The following ESRRG variants were observed in gnomAD, a reference collection of about 807,000 sequenced individuals.
The protein encoded by ESRRG is estrogen-related receptor gamma.
Under a neutral mutation model 44.0 loss-of-function variants are expected in ESRRG, and 13 were observed. The ratio of observed to expected loss-of-function variants is 0.30; its 90% CI spans 0.19 to 0.47. The LOEUF (loss-of-function observed/expected upper bound fraction) is 0.47. ESRRG is among the 20% of genes least tolerant of loss of function. The pLI, the probability that ESRRG is intolerant of heterozygous loss-of-function variation, is 1.00. For missense variants in ESRRG, 395 were observed against 580.6 expected (o/e 0.68, Z 3.29); for synonymous variants, 215 against 214.6 (o/e 1.00, Z -0.02).
intron 1 of ESRRG, among the ~76,000 whole-genome samples, chr1:217,099,786 C>T (rs1044892709): frequency 6.6e-5 from 10 of 152,232 alleles, no homozygotes; most frequent in African/African-American, 2.4e-4. Flanking sequence ...GCTTTGCATC[C>T]AGGTGGAGCT....
At chr1:216,715,042 G>A in intron 1 of ESRRG, 1 of 981,730 alleles carries the variant, frequency 1.0e-6, no homozygotes, top group African/African-American at 1.7e-5. Context: ...ATGACTACGA[G>A]AGAACAGAAA....
At chr1:217,046,656 G>A (rs927912096) in intron 1 of ESRRG, among the ~76,000 whole-genome samples, 2 of 152,180 alleles carry the variant, frequency 1.3e-5, no homozygotes, top group African/African-American at 2.4e-5. Context: ...GGCCAGTGCA[G>A]GAGGATCTCT....
chr1:216,573,178 A>C (rs1439703151), intron 3 of ESRRG, among the ~76,000 whole-genome samples: 3 of 151,978 alleles, frequency 2.0e-5, no homozygotes, highest in African/African-American at 7.2e-5. Context: ...GATTTTGTGA[A>C]GATTAAAGTT....
chr1:216,801,934 T>C (rs11572599), intron 2 of ESRRG, among the ~76,000 whole-genome samples: 2,809 of 152,278 alleles, frequency 0.018, 107 homozygotes, highest in African/African-American at 0.064. Context: ...AAAAATACTC[T>C]GCAGATGGAA....
intron 5 of ESRRG, among the ~76,000 whole-genome samples, chr1:216,542,585 T>C (rs1044843974): frequency 5.3e-5 from 8 of 152,026 alleles, no homozygotes; most frequent in African/African-American, 1.9e-4. Flanking sequence ...TTTGTAGCAT[T>C]TGTTACACAT....
At chr1:217,061,273 A>C (rs889889786) in intron 1 of ESRRG, among the ~76,000 whole-genome samples, 13 of 152,162 alleles carry the variant, frequency 8.5e-5, no homozygotes, top group Admixed American at 8.5e-4. Flanking sequence ...TTACCTTCCC[A>C]ATTCCTTTAG....
chr1:216,878,240 T>C (rs1435425511), intron 2 of ESRRG, among the ~76,000 whole-genome samples: 1 of 152,224 alleles, frequency 6.6e-6, no homozygotes, highest in East Asian at 1.9e-4. Context: ...TGCCTGATCA[T>C]ATACTTTGCC....
chr1:217,121,607 G>A (rs1470447228), intron 1 of ESRRG, among the ~76,000 whole-genome samples: 1 of 152,072 alleles, frequency 6.6e-6, no homozygotes, highest in Non-Finnish European at 1.5e-5. Context: ...AGATAGAAAG[G>A]AAGGAAAAAG....
chr1:216,677,465 T>C lies in ESRRG; in HGVS notation c.83A>G (p.Asp28Gly), dbSNP rs1360236618. The C allele has an allele frequency of 1.2e-6, 2 of 1,611,864 alleles. No individual in the cohort carries two copies. Among genetic ancestry groups the C allele is most frequent in the Non-Finnish European group, 1.7e-6 (2 of 1,178,580 alleles). ...EELLCRMSNK[D>G]RHIDSSCSSF... ...CGAACAGCTGGAATCAATGTGTCGATCTTTGTTTGACATTCTGCAGAGAAG... is the reference window on the plus strand; with the variant it reads ...CGAACAGCTGGAATCAATGTGTCGACCTTTGTTTGACATTCTGCAGAGAAG... The change falls in exon 2 of 7, where the codon GAT becomes GGT. Residue 28 changes from aspartate to glycine, a missense_variant. Around this residue, in one of 5 missense-constraint regions of ESRRG, gnomAD observed 148 missense variants for 150.4 expected, o/e 0.98. Coordinates refer to ENST00000408911, the MANE Select transcript of ESRRG (RefSeq NM_001438.4).
chr1:216,641,689 ACAC>A (rs1302968832), intron 3 of ESRRG, among the ~76,000 whole-genome samples: 1 of 152,248 alleles, frequency 6.6e-6, no homozygotes, highest in Non-Finnish European at 1.5e-5. Context: ...ACTGACAAAA[ACAC>A]AGACCCCTAA....
intron 2 of ESRRG, among the ~76,000 whole-genome samples, chr1:216,817,755 C>T (rs185743584): frequency 4.6e-5 from 7 of 152,210 alleles, no homozygotes; most frequent in African/African-American, 1.4e-4. Flanking sequence ...TGCAACAGCA[C>T]GCAAATCATA....
intron 1 of ESRRG, among the ~76,000 whole-genome samples, chr1:217,118,626 G>C (rs957921097): frequency 1.3e-5 from 2 of 152,100 alleles, no homozygotes; most frequent in African/African-American, 4.8e-5. Flanking sequence ...ATACAAAGGG[G>C]AAAAATACAT....
chr1:217,031,833 G>T (rs2082109002), intron 1 of ESRRG, among the ~76,000 whole-genome samples: 1 of 152,206 alleles, frequency 6.6e-6, no homozygotes, highest in Non-Finnish European at 1.5e-5. Flanking sequence ...TGTGAAGAAG[G>T]ATGTGTTTGT....
At chr1:217,079,676 A>G (rs1375671743) in intron 1 of ESRRG, among the ~76,000 whole-genome samples, 1 of 152,122 alleles carries the variant, frequency 6.6e-6, no homozygotes, top group Non-Finnish European at 1.5e-5. Context: ...CACTATAACT[A>G]CCATACACAA....
At chr1:216,562,118 T>C (rs1247590132) in intron 5 of ESRRG, among the ~76,000 whole-genome samples, 2 of 152,200 alleles carry the variant, frequency 1.3e-5, no homozygotes, top group African/African-American at 2.4e-5. Context: ...TGTTGACTTT[T>C]ATTGGTTTTT....
At chr1:217,066,255 C>CTTTTTTTTTT (rs68151743) in intron 1 of ESRRG, among the ~76,000 whole-genome samples, 1 of 132,500 alleles carries the variant, frequency 7.5e-6, no homozygotes, top group Non-Finnish European at 1.6e-5. Flanking sequence ...TTTTTCTTTT[C>CTTTTTTTTTT]TTTTTTTTTT....
intron 1 of ESRRG, among the ~76,000 whole-genome samples, chr1:217,011,058 A>C (rs2078515064): frequency 6.6e-6 from 1 of 152,170 alleles, no homozygotes; most frequent in African/African-American, 2.4e-5. Context: ...TGACGATACC[A>C]AGGTTACCAC....
At chr1:216,536,141 A>G (rs1319786437) in intron 5 of ESRRG, among the ~76,000 whole-genome samples, 1 of 152,068 alleles carries the variant, frequency 6.6e-6, no homozygotes, top group Non-Finnish European at 1.5e-5. Flanking sequence ...GTAATACTTT[A>G]AATAATTCTG....
intron 2 of ESRRG, among the ~76,000 whole-genome samples, chr1:216,664,768 T>C (rs1399429606): frequency 2.0e-5 from 3 of 151,304 alleles, no homozygotes; most frequent in Non-Finnish European, 4.4e-5. Context: ...GCTCTGTTGA[T>C]GGTAATATAA....
Sources: allele counts gnomAD v4.1 joint callset (sites outside exome capture counted in the v4.1 genomes callset), GRCh38; gene constraint gnomAD v4.1.1; regional missense constraint gnomAD v4.1.1; transcripts MANE v1.5; gene names NCBI Gene and HGNC (gene_info 2026-07-23, HGNC 2026-07-21).